TMEM132C: variants seen among roughly 807,000 people sequenced by gnomAD.
TMEM132C encodes transmembrane protein 132C.
TMEM132C carries 29 observed loss-of-function variants against 61.4 expected under a neutral mutation model. The ratio of observed to expected loss-of-function variants is 0.47; its 90% CI spans 0.35 to 0.64. The LOEUF is 0.64. TMEM132C is among the 30% of genes least tolerant of loss of function. TMEM132C has a pLI of 0.00. For synonymous variants in TMEM132C, 656 were observed against 633.1 expected (o/e 1.04, Z -0.54); for missense variants, 1,408 against 1,476.9 (o/e 0.95, Z 0.76).
chr12:128,606,163 T>C (rs1687438567), intron 3 of TMEM132C, among the ~76,000 whole-genome samples: 1 of 152,216 alleles, frequency 6.6e-6, no homozygotes, highest in Admixed American at 6.5e-5. Flanking sequence ...TGACCTAATT[T>C]AGCTCAAGCT....
intron 3 of TMEM132C, among the ~76,000 whole-genome samples, chr12:128,546,197 T>C (rs1036653918): frequency 3.3e-5 from 5 of 152,194 alleles, no homozygotes; most frequent in African/African-American, 1.2e-4. Context: ...TGTCTGAATC[T>C]TTGATTTGTG....
At chr12:128,433,141 A>G (rs1224609641) in intron 2 of TMEM132C, among the ~76,000 whole-genome samples, 1 of 152,214 alleles carries the variant, frequency 6.6e-6, no homozygotes, top group Non-Finnish European at 1.5e-5. Context: ...ATGCTGTTGC[A>G]CACTTAATAG....
At chr12:128,513,491 A>G (rs906648914) in intron 2 of TMEM132C, among the ~76,000 whole-genome samples, 12 of 152,164 alleles carry the variant, frequency 7.9e-5, no homozygotes, top group Non-Finnish European at 1.6e-4. Context: ...CTGCAGGGAC[A>G]CTTCTTGCCT....
intron 4 of TMEM132C, among the ~76,000 whole-genome samples, chr12:128,638,118 G>C (rs1484684858): frequency 6.6e-6 from 1 of 152,164 alleles, no homozygotes; most frequent in African/African-American, 2.4e-5. Flanking sequence ...AACTGGACTG[G>C]ATAACCCTCT....
intron 1 of TMEM132C, among the ~76,000 whole-genome samples, chr12:128,332,343 C>T (rs2135945730): frequency 6.6e-6 from 1 of 152,290 alleles, no homozygotes; most frequent in East Asian, 1.9e-4. Context: ...GCTGTTTTTC[C>T]AGCCAGCCCC....
At chr12:128,654,407 C>T (rs1954303220) in intron 4 of TMEM132C, among the ~76,000 whole-genome samples, 1 of 152,160 alleles carries the variant, frequency 6.6e-6, no homozygotes, top group Non-Finnish European at 1.5e-5. Flanking sequence ...CTGCTCACAA[C>T]TTGATTTCAA....
At chr12:128,546,927 C>A (rs1193465315) in intron 3 of TMEM132C, among the ~76,000 whole-genome samples, 1 of 152,200 alleles carries the variant, frequency 6.6e-6, no homozygotes, top group Non-Finnish European at 1.5e-5. Flanking sequence ...ACAGCATGGC[C>A]TCTGTCATGT....
At chr12:128,698,312 C>A (rs1268105702) in intron 8 of TMEM132C, among the ~76,000 whole-genome samples, 1 of 152,184 alleles carries the variant, frequency 6.6e-6, no homozygotes, top group Non-Finnish European at 1.5e-5. Flanking sequence ...CGTAACACAG[C>A]CAGGATGGGC....
chr12:128,582,339 C>T (rs1565981068), intron 3 of TMEM132C, among the ~76,000 whole-genome samples: 1 of 151,536 alleles, frequency 6.6e-6, no homozygotes, highest in East Asian at 1.9e-4. Context: ...TTCATAATCT[C>T]ACAGGTGAAT....
At chr12:128,400,801 G>C (rs1043966051) in intron 1 of TMEM132C, among the ~76,000 whole-genome samples, 2 of 151,774 alleles carry the variant, frequency 1.3e-5, no homozygotes, top group Non-Finnish European at 2.9e-5. Context: ...GTGGAGATGG[G>C]GTTTCACCAT....
At chr12:128,406,242 G>A (rs377490504) in intron 1 of TMEM132C, among the ~76,000 whole-genome samples, 5 of 152,308 alleles carry the variant, frequency 3.3e-5, no homozygotes, top group African/African-American at 1.2e-4. Flanking sequence ...CCTTACTGCT[G>A]TGTGAAGTGG....
intron 1 of TMEM132C, among the ~76,000 whole-genome samples, chr12:128,313,985 G>C (rs918416067): frequency 3.3e-5 from 5 of 152,176 alleles, no homozygotes; most frequent in Non-Finnish European, 7.4e-5. Flanking sequence ...CCTCCTGCAA[G>C]TTGTCTGAGA....
rs1232657215 is a variant in TMEM132C, at chr12:128,707,648, A to T, written c.*1353A>T. ...CTGACTCCAGTTCTCCGTGTGCTCC[A>T]TTGGCTGCGGCTGCAGGAGGAAGAT... On this transcript the variant is annotated 3_prime_UTR_variant, in exon 9 of 9. Coordinates refer to ENST00000435159, the MANE Select transcript of TMEM132C (RefSeq NM_001136103.3). 1 of 152,188 alleles carries T rather than the reference A, an allele frequency of 6.6e-6. No homozygotes were observed. Among genetic ancestry groups the T allele is most frequent in the East Asian group, 1.9e-4 (1 of 5,180 alleles). The allele number at this position is 152,188 out of a possible 1,614,324, so 9.4% of individuals were successfully genotyped here. A position where few individuals can be genotyped will look rare whatever the true frequency, so the allele number is the denominator to read the frequency against.
intron 2 of TMEM132C, among the ~76,000 whole-genome samples, chr12:128,476,319 A>G (rs1181424917): frequency 2.0e-5 from 3 of 152,212 alleles, no homozygotes; most frequent in Non-Finnish European, 1.5e-5. Context: ...CAGCGTGCAC[A>G]TGGCAGTACA....
At chr12:128,571,422 T>G (rs748370434) in intron 3 of TMEM132C, among the ~76,000 whole-genome samples, 17 of 152,240 alleles carry the variant, frequency 1.1e-4, no homozygotes, top group Non-Finnish European at 1.9e-4. Context: ...ATTGACCATT[T>G]TAACCACATT....
chr12:128,577,232 A>G (rs1307257077), intron 3 of TMEM132C, among the ~76,000 whole-genome samples: 1 of 152,200 alleles, frequency 6.6e-6, no homozygotes, highest in Non-Finnish European at 1.5e-5. Flanking sequence ...TTCATGGTTT[A>G]TTCATATGAT....
intron 1 of TMEM132C, among the ~76,000 whole-genome samples, chr12:128,397,712 G>A (rs896198554): frequency 1.6e-4 from 25 of 152,008 alleles, no homozygotes; most frequent in African/African-American, 3.6e-4. Context: ...CTCCTGCAGC[G>A]TGGAGTCCTC....
intron 5 of TMEM132C, among the ~76,000 whole-genome samples, chr12:128,674,566 T>C (rs1245655639): frequency 6.6e-6 from 1 of 152,210 alleles, no homozygotes; most frequent in Non-Finnish European, 1.5e-5. Flanking sequence ...CATTTTGCAT[T>C]CTCACGAGTC....
intron 2 of TMEM132C, among the ~76,000 whole-genome samples, chr12:128,455,188 AAGGTGTG>A (rs1349893498): frequency 3.9e-5 from 6 of 152,252 alleles, no homozygotes; most frequent in Non-Finnish European, 8.8e-5. Flanking sequence ...AGATGAGTCT[AAGGTGTG>A]ATTACAGCTT....
Sources: allele counts gnomAD v4.1 joint callset (sites outside exome capture counted in the v4.1 genomes callset), GRCh38; gene constraint gnomAD v4.1.1; transcripts MANE v1.5; gene names NCBI Gene and HGNC (gene_info 2026-07-23, HGNC 2026-07-21).